Variants in GAL3ST1 observed in about 807,000 individuals in gnomAD.
GAL3ST1 encodes the protein galactose-3-O-sulfotransferase 1.
In GAL3ST1, 13 loss-of-function variants were observed where a neutral mutation model predicts 25.0. The ratio of observed to expected loss-of-function variants is 0.52; its 90% CI spans 0.34 to 0.83. GAL3ST1 has a LOEUF of 0.83. GAL3ST1 is among the 40% of genes least tolerant of loss of function. GAL3ST1 has a pLI of 0.02. For missense variants in GAL3ST1, 474 were observed against 613.6 expected (o/e 0.77, Z 2.40); for synonymous variants, 274 against 277.8 (o/e 0.99, Z 0.14).
intron 1 of GAL3ST1, among the ~76,000 whole-genome samples, chr22:30,569,820 C>T (rs1467256252): frequency 6.6e-6 from 1 of 152,178 alleles, no homozygotes; most frequent in Non-Finnish European, 1.5e-5. Context: ...GGCACGGTGG[C>T]GTGCGCCACC....
chr22:30,563,911 G>A (rs1464785745), intron 1 of GAL3ST1, among the ~76,000 whole-genome samples: 9 of 94,334 alleles, frequency 9.5e-5, no homozygotes, highest in Admixed American at 7.9e-4. Context: ...GCGAGACCCC[G>A]TCTCAAAAAA....
At chr22:30,573,999 G>A (rs540048206) in intron 1 of GAL3ST1, among the ~76,000 whole-genome samples, 68 of 152,294 alleles carry the variant, frequency 4.5e-4, no homozygotes, top group Middle Eastern at 3.4e-3. Context: ...CCCCAGCAGA[G>A]GGGATCCATC....
At chr22:30,557,473 C>T (rs1267262724) in intron 2 of GAL3ST1, 72 bp from the exon 3 acceptor site, 33 of 1,567,628 alleles carry the variant, frequency 2.1e-5, no homozygotes, top group Non-Finnish European at 2.9e-5. Context: ...CTGCCCAGGC[C>T]TGGCAGTTGA....
intron 1 of GAL3ST1, among the ~76,000 whole-genome samples, chr22:30,563,936 A>G (rs35336481): frequency 6.6e-6 from 1 of 152,044 alleles, no homozygotes; most frequent in South Asian, 2.1e-4. Flanking sequence ...AAAAGCTTAA[A>G]CAATAAAATC....
At chr22:30,559,482 G>A (rs1284533569) in intron 1 of GAL3ST1, among the ~76,000 whole-genome samples, 3 of 152,104 alleles carry the variant, frequency 2.0e-5, no homozygotes, top group Admixed American at 6.5e-5. Context: ...CTTGTGATCT[G>A]CCCACCTTGG....
chr22:30,570,135 G>A (rs1162746715), intron 1 of GAL3ST1, among the ~76,000 whole-genome samples: 2 of 152,298 alleles, frequency 1.3e-5, no homozygotes, highest in African/African-American at 4.8e-5. Flanking sequence ...AGGCACATCC[G>A]TGCTGTTTGC....
intron 1 of GAL3ST1, among the ~76,000 whole-genome samples, chr22:30,569,711 C>G (rs78152117): frequency 0.012 from 1,771 of 152,202 alleles, 6 homozygotes; most frequent in Admixed American, 0.018. Context: ...GCTTACGGAG[C>G]AGGGTGAAGA....
rs555972759 is a variant in GAL3ST1, at chr22:30,563,987, TG to T, written c.-119-5600del. ...AACATAAATTCTTTCTAAACTTAAA[TG>T]TTTAGACTTGGGTTCCATCTCCAAG... On this transcript the variant is annotated intron_variant, in intron 1 of 3. Transcript: ENST00000406361. Among the ~76,000 whole-genome samples the T allele has an allele frequency of 7.8e-3, 1,189 of 152,138 alleles. 9 individuals carry two copies. The highest frequency in any genetic ancestry group is 0.011 in the Non-Finnish European group (778 of 68,002).
intron 3 of GAL3ST1, among the ~76,000 whole-genome samples, chr22:30,556,519 GGTCTGTGCAGA>G (rs2086037168): frequency 6.6e-6 from 1 of 152,126 alleles, no homozygotes; most frequent in South Asian, 2.1e-4. Context: ...GGCTGTGCTG[GGTCTGTGCAGA>G]GCAGCCCCAT....
chr22:30,564,483 C>T (rs2086560681), intron 1 of GAL3ST1, among the ~76,000 whole-genome samples: 1 of 152,196 alleles, frequency 6.6e-6, no homozygotes, highest in Non-Finnish European at 1.5e-5. Context: ...CTCCCACCTC[C>T]TCCACCCACA....
In GAL3ST1 at chr22:30,574,649, G is replaced by C. The variant is rs1057389238; in HGVS notation, c.-303C>G. 6.8e-6 allele frequency: 1 copy of C among 147,128 alleles called. No individual in the cohort carries two copies. Among genetic ancestry groups the C allele is most frequent in the African/African-American group, 2.5e-5 (1 of 40,590 alleles). 9.1% of individuals were successfully genotyped at this position (147,128 alleles called of 1,614,324 possible). A position where few individuals can be genotyped will look rare whatever the true frequency, so the allele number is the denominator to read the frequency against. On this transcript the variant is annotated 5_prime_UTR_variant, in exon 1 of 4. Transcript: ENST00000406361. Reference sequence around the variant, plus strand: ...CCCGCGCCGCGCCCGCTCCCGGCCAGGTGCCGCCGCCAGCCTGGCCCAGCC... The same window carrying C: ...CCCGCGCCGCGCCCGCTCCCGGCCACGTGCCGCCGCCAGCCTGGCCCAGCC...
chr22:30,563,109 C>G (rs2086498752), intron 1 of GAL3ST1: 2 of 151,998 alleles, frequency 1.3e-5, no homozygotes, highest in African/African-American at 4.8e-5. Context: ...GAGAGAGACT[C>G]TTTCTCAAAA....
At chr22:30,560,326 T>C (rs1214660475) in intron 1 of GAL3ST1, 2 of 152,132 alleles carry the variant, frequency 1.3e-5, no homozygotes, top group African/African-American at 2.4e-5. Flanking sequence ...CACTGTGATT[T>C]CAGACAAGCC....
intron 1 of GAL3ST1, among the ~76,000 whole-genome samples, chr22:30,568,951 A>G (rs537185854): frequency 1.1e-3 from 163 of 151,984 alleles, no homozygotes; most frequent in Non-Finnish European, 1.8e-3. Flanking sequence ...TGGCAGGCGC[A>G]TGTAATACCA....
At chr22:30,559,866 C>T (rs1433334652) in intron 1 of GAL3ST1, among the ~76,000 whole-genome samples, 1 of 152,240 alleles carries the variant, frequency 6.6e-6, no homozygotes, top group East Asian at 1.9e-4. Flanking sequence ...TACTCTTGTC[C>T]CGAACTTTCC....
chr22:30,564,736 T>C (rs1457900242), intron 1 of GAL3ST1: 5 of 152,260 alleles, frequency 3.3e-5, no homozygotes, highest in Admixed American at 6.5e-5. Context: ...ATGGTAAACC[T>C]TCTGGCTTAG....
chr22:30,564,442 G>A (rs2086559508), intron 1 of GAL3ST1, among the ~76,000 whole-genome samples: 1 of 152,188 alleles, frequency 6.6e-6, no homozygotes, highest in Admixed American at 6.5e-5. Context: ...ACACAGCCCA[G>A]CAGCAGCAGA....
At chr22:30,569,110 G>A (rs960597658) in intron 1 of GAL3ST1, among the ~76,000 whole-genome samples, 2 of 151,790 alleles carry the variant, frequency 1.3e-5, no homozygotes, top group Non-Finnish European at 2.9e-5. Context: ...GGACATGCAG[G>A]GCTTTCAGGA....
chr22:30,569,656 T>C (rs553249312), intron 1 of GAL3ST1, among the ~76,000 whole-genome samples: 76 of 151,920 alleles, frequency 5.0e-4, no homozygotes, highest in Non-Finnish European at 8.5e-4. Flanking sequence ...GCCATAGGAA[T>C]AACTAGAGTC....
Sources: gnomAD v4.1 joint callset for allele counts (sites outside exome capture counted in the v4.1 genomes callset) on GRCh38, gnomAD v4.1.1 for gene constraint, MANE v1.5 for transcripts, NCBI Gene and HGNC (gene_info 2026-07-23, HGNC 2026-07-21) for gene names.